MYO5A: variants seen among roughly 807,000 people sequenced by gnomAD.
MYO5A encodes the protein unconventional myosin-Va.
Under a neutral mutation model 249.7 loss-of-function variants are expected in MYO5A, and 98 were observed. The ratio of observed to expected loss-of-function variants is 0.39; its 90% CI spans 0.33 to 0.46. The LOEUF (loss-of-function observed/expected upper bound fraction) is 0.46, where lower values mean the gene tolerates loss of function less well. MYO5A is among the 20% of genes least tolerant of loss of function. The pLI, the probability that MYO5A is intolerant of heterozygous loss-of-function variation, is 0.98. For missense variants in MYO5A, 1,696 were observed against 2,308.8 expected, an observed-to-expected ratio of 0.73 and a Z score of 5.44; for synonymous variants, 778 against 810.6, an observed-to-expected ratio of 0.96 and a Z score of 0.68.
chr15:52,354,889 T>C (rs2040139543), intron 25 of MYO5A, among the ~76,000 whole-genome samples: 1 of 151,090 alleles, frequency 6.6e-6, no homozygotes, highest in Non-Finnish European at 1.5e-5. Context: ...TATATCAACA[T>C]GAGCAGATAA....
At chr15:52,333,830 C>T (rs1033964739) in intron 34 of MYO5A, among the ~76,000 whole-genome samples, 17 of 152,080 alleles carry the variant, frequency 1.1e-4, no homozygotes, top group African/African-American at 4.1e-4. Flanking sequence ...TATAAGACAA[C>T]GTTTAGTTAT....
chr15:52,413,147 C>CAAAA (rs767059579), intron 5 of MYO5A, among the ~76,000 whole-genome samples: 1 of 66,148 alleles, frequency 1.5e-5, no homozygotes, highest in African/African-American at 6.0e-5. Flanking sequence ...AACTCTGTCT[C>CAAAA]AAAAAAAAAA....
chr15:52,520,248 C>T (rs1181292904), intron 1 of MYO5A, among the ~76,000 whole-genome samples: 1 of 152,156 alleles, frequency 6.6e-6, no homozygotes, highest in East Asian at 1.9e-4. Context: ...GAACAGCTCA[C>T]AGCCATCCCA....
intron 1 of MYO5A, among the ~76,000 whole-genome samples, chr15:52,477,074 T>G (rs113699769): frequency 2.9e-4 from 44 of 152,342 alleles, no homozygotes; most frequent in African/African-American, 1.0e-3. Context: ...CCATATTTCT[T>G]GGAGGCTTTG....
At chr15:52,427,240 T>C (rs1031072463) in intron 3 of MYO5A, among the ~76,000 whole-genome samples, 2 of 152,196 alleles carry the variant, frequency 1.3e-5, no homozygotes, top group African/African-American at 4.8e-5. Flanking sequence ...GCTCCAACTA[T>C]GTGTAAAGTC....
At chr15:52,393,407 T>A (rs1349393299) in intron 11 of MYO5A, among the ~76,000 whole-genome samples, 1 of 151,942 alleles carries the variant, frequency 6.6e-6, no homozygotes, top group Non-Finnish European at 1.5e-5. Context: ...TTTCTTTTTT[T>A]TTTTGAGACA....
At chr15:52,501,314 C>T (rs984586878) in intron 1 of MYO5A, among the ~76,000 whole-genome samples, 2 of 152,102 alleles carry the variant, frequency 1.3e-5, no homozygotes, top group Admixed American at 6.6e-5. Context: ...TTTGAAATAC[C>T]TTTGGCCAGG....
At chr15:52,450,289 G>A (rs1472179332) in intron 1 of MYO5A, among the ~76,000 whole-genome samples, 1 of 152,038 alleles carries the variant, frequency 6.6e-6, no homozygotes, top group Non-Finnish European at 1.5e-5. Flanking sequence ...AGTTATATAT[G>A]TGAAGTACTC....
At chr15:52,472,036 G>A (rs943457357) in intron 1 of MYO5A, among the ~76,000 whole-genome samples, 1 of 151,186 alleles carries the variant, frequency 6.6e-6, no homozygotes, top group African/African-American at 2.4e-5. Context: ...CAACTCCTCT[G>A]CTGCCTCTTG....
intron 11 of MYO5A, 43 bp downstream of exon 11, chr15:52,396,273 A>G (rs1156440840): frequency 1.7e-6 from 2 of 1,153,868 alleles, no homozygotes; most frequent in Admixed American, 1.9e-5. Flanking sequence ...AATTCAAGAG[A>G]ATAATTTATA....
chr15:52,338,540 G>C (rs2039231210), intron 32 of MYO5A, among the ~76,000 whole-genome samples: 1 of 152,132 alleles, frequency 6.6e-6, no homozygotes, highest in Non-Finnish European at 1.5e-5. Context: ...GCACAATTAA[G>C]ATTGAGAAAA....
At chr15:52,494,939 A>G (rs2077008315) in intron 1 of MYO5A, among the ~76,000 whole-genome samples, 1 of 152,258 alleles carries the variant, frequency 6.6e-6, no homozygotes, top group African/African-American at 2.4e-5. Flanking sequence ...AAGGTTGGCA[A>G]TAACATAATT....
At chr15:52,341,040 A>G (rs1596315024) in intron 31 of MYO5A, among the ~76,000 whole-genome samples, 1 of 152,214 alleles carries the variant, frequency 6.6e-6, no homozygotes, top group Non-Finnish European at 1.5e-5. Context: ...TTGCATTTGC[A>G]TTTATAAATT....
intron 12 of MYO5A, among the ~76,000 whole-genome samples, chr15:52,390,980 GA>G (rs1401482489): frequency 6.6e-6 from 1 of 151,960 alleles, no homozygotes; most frequent in African/African-American, 2.4e-5. Context: ...GGTTGTTACT[GA>G]TTTTTTTGTT....
chr15:52,398,287 C>T (rs1187522629), intron 9 of MYO5A, among the ~76,000 whole-genome samples: 1 of 152,206 alleles, frequency 6.6e-6, no homozygotes, highest in African/African-American at 2.4e-5. Context: ...CCTAGAATAT[C>T]TTCCATGAGA....
chr15:52,429,825 G>A (rs913481839), intron 2 of MYO5A, among the ~76,000 whole-genome samples: 10 of 152,096 alleles, frequency 6.6e-5, no homozygotes, highest in Non-Finnish European at 1.3e-4. Context: ...GGCTGATCTC[G>A]AACTCCTGGC....
chr15:52,318,816 A>G (rs1457898948), intron 39 of MYO5A, among the ~76,000 whole-genome samples: 2 of 152,192 alleles, frequency 1.3e-5, no homozygotes, highest in South Asian at 4.1e-4. Flanking sequence ...ACAGTGGAAA[A>G]GGGTTTCCTA....
intron 16 of MYO5A, among the ~76,000 whole-genome samples, chr15:52,381,732 A>T (rs2041745875): frequency 6.6e-6 from 1 of 151,854 alleles, no homozygotes; most frequent in Non-Finnish European, 1.5e-5. Flanking sequence ...AAGACTAAAC[A>T]GCAATCATAG....
intron 2 of MYO5A, among the ~76,000 whole-genome samples, chr15:52,430,398 G>A (rs2141296812): frequency 2.0e-5 from 3 of 152,304 alleles, no homozygotes; most frequent in Admixed American, 2.0e-4. Flanking sequence ...GAAAGGTAGA[G>A]AAGATCTGTA....
Sources: allele counts gnomAD v4.1 joint callset (sites outside exome capture counted in the v4.1 genomes callset), GRCh38; gene constraint gnomAD v4.1.1; transcripts MANE v1.5; gene names NCBI Gene and HGNC (gene_info 2026-07-23, HGNC 2026-07-21).